Variants in PPP1R12B observed in about 807,000 individuals in gnomAD.
The protein encoded by PPP1R12B is protein phosphatase 1 regulatory subunit 12B.
In PPP1R12B, 76 loss-of-function variants were observed where a neutral mutation model predicts 126.1. The observed-to-expected ratio is 0.60, with a 90% CI of 0.50 to 0.73. PPP1R12B has a LOEUF of 0.73. Among genes scored for constraint, PPP1R12B ranks in the 30% least tolerant of loss-of-function variants. The pLI, the probability that PPP1R12B is intolerant of heterozygous loss-of-function variation, is 0.00. For synonymous variants in PPP1R12B, 356 were observed against 434.7 expected (o/e 0.82, Z 2.25); for missense variants, 1,052 against 1,205.1 (o/e 0.87, Z 1.88).
rs189863048 is a variant in PPP1R12B, at chr1:202,360,636, G to C, written c.291+11494G>C. On this transcript the variant is annotated intron_variant, in intron 1 of 23. Coordinates refer to ENST00000608999, the MANE Select transcript of PPP1R12B (RefSeq NM_002481.4). ...AGGCAGGAGAATCGCTTGTACCTGG[G>C]AGGTAGAGGTTGCAGTGAGCCGAGA... 7.0e-3 allele frequency among the ~76,000 whole-genome samples: 1,066 copies of C among 151,732 alleles called. 12 individuals carry two copies. Among genetic ancestry groups the C allele is most frequent in the African/African-American group, 0.025 (1,025 of 41,380 alleles).
chr1:202,384,365 A>G (rs1662798481), intron 1 of PPP1R12B, among the ~76,000 whole-genome samples: 1 of 152,264 alleles, frequency 6.6e-6, no homozygotes, highest in Non-Finnish European at 1.5e-5. Flanking sequence ...AATATTATTC[A>G]GCCATAAAAA....
chr1:202,406,502 C>G (rs1165944868), intron 1 of PPP1R12B, among the ~76,000 whole-genome samples: 1 of 152,136 alleles, frequency 6.6e-6, no homozygotes, highest in Non-Finnish European at 1.5e-5. Flanking sequence ...TGAAAATGTT[C>G]CATGAACCAA....
intron 18 of PPP1R12B, among the ~76,000 whole-genome samples, chr1:202,513,217 G>T (rs1257376642): frequency 6.6e-6 from 1 of 151,990 alleles, no homozygotes; most frequent in Admixed American, 6.6e-5. Flanking sequence ...CAGGTGATCC[G>T]CCCGCCTCAG....
Position 202,534,563 on chromosome 1 carries a change from C to CT in PPP1R12B, c.2491-24297dup, listed in dbSNP as rs34606007. ...AACATGGGGTTCTTTCTAGCTTTCC[C>CT]TTTTTTTTTTTTTTTTTGTATTTAT... On this transcript the variant is annotated intron_variant, in intron 18 of 23. Coordinates refer to ENST00000608999, the MANE Select transcript of PPP1R12B (RefSeq NM_002481.4). Among the ~76,000 whole-genome samples the CT allele has an allele frequency of 5.1e-3, 680 of 132,936 alleles. 6 individuals are homozygous for CT. Among genetic ancestry groups the CT allele is most frequent in the Non-Finnish European group, 6.2e-3 (386 of 62,574 alleles). The allele number at this position is 132,936 out of a possible 152,430, so 87.2% of individuals were successfully genotyped here.
At chr1:202,444,814 A>G (rs1345998966) in intron 12 of PPP1R12B, among the ~76,000 whole-genome samples, 1 of 152,030 alleles carries the variant, frequency 6.6e-6, no homozygotes, top group Non-Finnish European at 1.5e-5. Context: ...TGGATGATTG[A>G]CCAAAAAGAC....
intron 21 of PPP1R12B, chr1:202,567,564 C>G (rs1200742982): frequency 1.8e-6 from 1 of 545,438 alleles, no homozygotes; most frequent in African/African-American, 1.9e-5. Flanking sequence ...ACTGCCTTCC[C>G]CTCCCCAGAG....
In PPP1R12B at chr1:202,581,495, T is replaced by G. The variant is rs185558547; in HGVS notation, c.*935T>G. Reference sequence around the variant, plus strand: ...TCTTCCCCCTTCAAAGTGATTTTCTTTATAAGAAAATTTGGGCTCTGAATA... The same window carrying G: ...TCTTCCCCCTTCAAAGTGATTTTCTGTATAAGAAAATTTGGGCTCTGAATA... On this transcript the variant is annotated 3_prime_UTR_variant, in exon 24 of 24. Transcript: ENST00000608999. The G allele has an allele frequency of 1.3e-5, 2 of 152,328 alleles. No individual in the cohort carries two copies. Among genetic ancestry groups the G allele is most frequent in the Non-Finnish European group, 2.9e-5 (2 of 68,034 alleles). 9.4% of individuals were successfully genotyped at this position (152,328 alleles called of 1,614,324 possible).
chr1:202,511,319 C>T (rs1282072365), intron 18 of PPP1R12B, among the ~76,000 whole-genome samples: 1 of 151,676 alleles, frequency 6.6e-6, no homozygotes. Context: ...CGGGTTCAAG[C>T]GATTCTCCTG....
intron 13 of PPP1R12B, among the ~76,000 whole-genome samples, chr1:202,474,505 T>TGGCCTCGGGTAATCTGCC (rs1269104534): frequency 2.0e-5 from 3 of 152,174 alleles, no homozygotes; most frequent in African/African-American, 7.2e-5. Context: ...CTCAAACTCC[T>TGGCCTCGGGTAATCTGCC]GGCCTCGGGT....
At chr1:202,474,579 C>A (rs1676395565) in intron 13 of PPP1R12B, among the ~76,000 whole-genome samples, 1 of 152,120 alleles carries the variant, frequency 6.6e-6, no homozygotes, top group Non-Finnish European at 1.5e-5. Flanking sequence ...CGCCCAGCCA[C>A]AAATTGCATT....
intron 19 of PPP1R12B, among the ~76,000 whole-genome samples, chr1:202,560,107 TCCTTC>T (rs1261814382): frequency 6.6e-6 from 1 of 152,228 alleles, no homozygotes; most frequent in African/African-American, 2.4e-5. Flanking sequence ...AGCAATTATA[TCCTTC>T]CCTTCAGCCA....
Position 202,490,435 on chromosome 1 carries a change from C to A in PPP1R12B, c.1941+1812C>A, listed in dbSNP as rs185274993. On this transcript the variant is annotated intron_variant, in intron 14 of 23. Transcript: ENST00000608999. ...GTTTCCTCCATTAGAATGTAACCCC[C>A]AAGAGGACCAAGACTGTTTTTTTGT... Among the ~76,000 whole-genome samples the A allele has an allele frequency of 3.3e-5, 5 of 152,240 alleles. No individual in the cohort carries two copies. The East Asian group carries it at 9.6e-4, about 29-fold the overall frequency.
rs1382876430 is a variant in PPP1R12B at position 202,348,814 on chromosome 1, T to C, written c.-38T>C. 1 of 1,584,106 alleles carries C rather than the reference T, an allele frequency of 6.3e-7. No individual in the cohort carries two copies. The highest frequency in any genetic ancestry group is 8.6e-7 in the Non-Finnish European group (1 of 1,168,722). On this transcript the variant is annotated 5_prime_UTR_variant, in exon 1 of 24. Coordinates refer to ENST00000608999, the MANE Select transcript of PPP1R12B (RefSeq NM_002481.4). ...AACTCGAGCCCCAACAGTAATTTAG[T>C]GTTGGTAGTTTTGGCAGCAGCTGCC...
chr1:202,543,116 A>T (rs1027639311), intron 18 of PPP1R12B, among the ~76,000 whole-genome samples: 1 of 152,082 alleles, frequency 6.6e-6, no homozygotes, highest in African/African-American at 2.4e-5. Flanking sequence ...TATTTTGGAC[A>T]CTGTACCCTT....
chr1:202,467,710 A>G lies in PPP1R12B; in HGVS notation c.1850+18539A>G, dbSNP rs1435407473. 1.3e-5 allele frequency among the ~76,000 whole-genome samples: 2 copies of G among 152,248 alleles called. 1 individual carries two copies. Among genetic ancestry groups the G allele is most frequent in the Admixed American group, 1.3e-4 (2 of 15,286 alleles). On this transcript the variant is annotated intron_variant, in intron 13 of 23. Coordinates refer to ENST00000608999, the MANE Select transcript of PPP1R12B (RefSeq NM_002481.4). The stretch of plus-strand genomic sequence containing the variant: ...TGTGTGCATGTGTCTTTATAGCAGC[A>G]TGATTTATAATCCTTTGGGTATATA...
chr1:202,411,844 T>G lies in PPP1R12B; in HGVS notation c.292-4943T>G, dbSNP rs568031828. ...CTGACTCCAAAGCTGGTGCTTTTATTTATTTTACAAATAGAGATGGGGTCT... is the reference window on the plus strand; with the variant it reads ...CTGACTCCAAAGCTGGTGCTTTTATGTATTTTACAAATAGAGATGGGGTCT... On this transcript the variant is annotated intron_variant, in intron 1 of 23. Transcript: ENST00000608999. 6.6e-5 allele frequency among the ~76,000 whole-genome samples: 10 copies of G among 152,302 alleles called. No homozygotes were observed. In the East Asian group the frequency reaches 1.9e-3, roughly 29 times the overall value.
At chr1:202,361,238 T>C (rs995312356) in intron 1 of PPP1R12B, among the ~76,000 whole-genome samples, 2 of 152,140 alleles carry the variant, frequency 1.3e-5, no homozygotes, top group African/African-American at 4.8e-5. Flanking sequence ...CTGTTTTTGT[T>C]GCTATAAAGG....
chr1:202,445,938 T>C (rs1161115369), intron 12 of PPP1R12B, among the ~76,000 whole-genome samples: 1 of 151,924 alleles, frequency 6.6e-6, no homozygotes, highest in Non-Finnish European at 1.5e-5. Flanking sequence ...ATAAAGAAAA[T>C]GAAAAAAATC....
At chr1:202,447,195 T>G (rs187674715) in intron 12 of PPP1R12B, among the ~76,000 whole-genome samples, 2 of 152,348 alleles carry the variant, frequency 1.3e-5, no homozygotes, top group East Asian at 3.8e-4. Flanking sequence ...AGCTGTCTCA[T>G]GCATACATAT....
Sources: allele counts gnomAD v4.1 joint callset (sites outside exome capture counted in the v4.1 genomes callset), GRCh38; gene constraint gnomAD v4.1.1; transcripts MANE v1.5; gene names NCBI Gene and HGNC (gene_info 2026-07-23, HGNC 2026-07-21).